Variants in THADA observed in about 807,000 individuals in gnomAD.
THADA encodes the protein tRNA (32-2'-O)-methyltransferase regulator THADA.
A neutral mutation model predicts 219.8 loss-of-function variants in THADA; 213 were observed. The ratio of observed to expected loss-of-function variants is 0.97; its 90% CI spans 0.87 to 1.09. The LOEUF (loss-of-function observed/expected upper bound fraction) is 1.09. Among genes scored for constraint, THADA ranks in the 50% least tolerant of loss-of-function variants. The pLI is 0.00. For synonymous variants in THADA, 1,018 were observed against 828.9 expected (o/e 1.23, Z -3.92); for missense variants, 2,956 against 2,311.3 (o/e 1.28, Z -5.72).
At chr2:43,280,972 A>G (rs1339619134) in intron 35 of THADA, among the ~76,000 whole-genome samples, 1 of 152,220 alleles carries the variant, frequency 6.6e-6, no homozygotes, top group African/African-American at 2.4e-5. Flanking sequence ...GTGAGAGGTG[A>G]GCATGGCCTC....
At chr2:43,561,689 A>T (rs1474811027) in intron 15 of THADA, among the ~76,000 whole-genome samples, 3 of 152,206 alleles carry the variant, frequency 2.0e-5, no homozygotes, top group Non-Finnish European at 4.4e-5. Context: ...TTACTTCCTT[A>T]ACAACTCTGC....
At position 43,295,301 on chromosome 2, in the gene THADA, C is replaced by G. The variant is rs147975654; in HGVS notation, c.4439-2088G>C. On this transcript the variant is annotated intron_variant, in intron 31 of 37. Coordinates refer to ENST00000405975, the MANE Select transcript of THADA (RefSeq NM_022065.5). ...AATAATTACTAAAAATGTGGGCAAGCTGGAGGGTGGAGGCCTTTGGTGAGC... is the reference window on the plus strand; with the variant it reads ...AATAATTACTAAAAATGTGGGCAAGGTGGAGGGTGGAGGCCTTTGGTGAGC... Among the ~76,000 whole-genome samples the G allele has an allele frequency of 8.2e-3, 1,254 of 152,350 alleles. 18 individuals carry two copies. The highest frequency in any genetic ancestry group is 0.028 in the African/African-American group (1,184 of 41,576).
intron 36 of THADA, chr2:43,277,156 G>A (rs184337805): frequency 2.1e-3 from 318 of 152,438 alleles, no homozygotes; most frequent in Non-Finnish European, 3.8e-3. Context: ...GTATGTCTCC[G>A]GTAACATCAG....
At chr2:43,459,265 T>C (rs1449768446) in intron 26 of THADA, among the ~76,000 whole-genome samples, 1 of 152,188 alleles carries the variant, frequency 6.6e-6, no homozygotes, top group African/African-American at 2.4e-5. Context: ...CCACTCCTCT[T>C]TCCCAAATAA....
chr2:43,531,332 A>G (rs1301288052), intron 21 of THADA, among the ~76,000 whole-genome samples: 1 of 152,204 alleles, frequency 6.6e-6, no homozygotes, highest in Non-Finnish European at 1.5e-5. Context: ...ATAGACCAAC[A>G]CTAAATAAGT....
intron 26 of THADA, among the ~76,000 whole-genome samples, chr2:43,442,993 A>G (rs1408295889): frequency 2.0e-5 from 3 of 152,162 alleles, no homozygotes; most frequent in African/African-American, 7.2e-5. Context: ...ATTCCCTGAT[A>G]TCTCAAGTCT....
At chr2:43,498,125 A>G (rs902644275) in intron 25 of THADA, among the ~76,000 whole-genome samples, 1 of 152,202 alleles carries the variant, frequency 6.6e-6, no homozygotes, top group African/African-American at 2.4e-5. Flanking sequence ...GAAAGAAGCC[A>G]ATAACATAAG....
chr2:43,348,358 C>T (rs1667878475), intron 29 of THADA, among the ~76,000 whole-genome samples: 1 of 152,142 alleles, frequency 6.6e-6, no homozygotes, highest in African/African-American at 2.4e-5. Context: ...AGGGTCAATG[C>T]CATTTATCAA....
intron 25 of THADA, among the ~76,000 whole-genome samples, chr2:43,486,825 C>T (rs938444938): frequency 6.6e-6 from 1 of 152,082 alleles, no homozygotes; most frequent in African/African-American, 2.4e-5. Flanking sequence ...TTTTGAAATG[C>T]TGGCAGGAAA....
rs41281453 is a variant in THADA, at chr2:43,286,891, C to T, written c.5164+17G>A. 4,608 of 1,601,530 alleles carry T rather than the reference C, an allele frequency of 2.9e-3. 7 individuals are homozygous for T. Among genetic ancestry groups the T allele is most frequent in the Non-Finnish European group, 3.1e-3 (3,615 of 1,169,938 alleles). On this transcript the variant is annotated intron_variant, in intron 35 of 37. Coordinates refer to ENST00000405975, the MANE Select transcript of THADA (RefSeq NM_022065.5). ...AAGTGAGTTTGGTACAACAGACTTC[C>T]GTCTCGGCGCACTTACCAAGAATAG...
At chr2:43,483,546 C>T (rs1399877331) in intron 26 of THADA, among the ~76,000 whole-genome samples, 1 of 152,176 alleles carries the variant, frequency 6.6e-6, no homozygotes, top group East Asian at 1.9e-4. Flanking sequence ...TTAAAAACTT[C>T]TCATTCCTAT....
At chr2:43,493,081 G>C (rs1411047863) in intron 25 of THADA, among the ~76,000 whole-genome samples, 1 of 152,148 alleles carries the variant, frequency 6.6e-6, no homozygotes, top group Non-Finnish European at 1.5e-5. Context: ...GAGGCACAGA[G>C]TAGCCATGGC....
In THADA at chr2:43,527,871, T is replaced by A. The variant is rs201821491; in HGVS notation, c.3374+8A>T. 134 of 1,573,360 alleles carry A rather than the reference T, an allele frequency of 8.5e-5. No individual in the cohort carries two copies. The highest frequency in any genetic ancestry group is 3.5e-5 in the Non-Finnish European group (40 of 1,146,398). ...TTTAAAACGTACACAAAAGGATATT[T>A]GTTTTACCTGTTTAGTACTTCAGTG... On this transcript the variant is annotated splice_region_variant and intron_variant, in intron 22 of 37. Coordinates refer to ENST00000405975, the MANE Select transcript of THADA (RefSeq NM_022065.5).
chr2:43,546,277 G>C (rs1696021539), intron 20 of THADA, among the ~76,000 whole-genome samples: 1 of 151,960 alleles, frequency 6.6e-6, no homozygotes. Flanking sequence ...GCTGAGGAGA[G>C]CTTTACTTCC....
chr2:43,570,655 A>T, intron 13 of THADA, 145 bp from the exon 14 acceptor site: 1 of 883,050 alleles, frequency 1.1e-6, no homozygotes, highest in South Asian at 2.4e-5. Flanking sequence ...TTTCTTTTTG[A>T]CAGAAAATAA....
rs1393850650 is a variant in THADA at position 43,508,764 on chromosome 2, G to A, written c.3391C>T (p.Leu1131=). The A allele has an allele frequency of 1.1e-5, 17 of 1,613,396 alleles. No homozygotes were observed. Among genetic ancestry groups the A allele is most frequent in the Non-Finnish European group, 1.4e-5 (16 of 1,179,636 alleles). ...EVLNRCPNVS[L]QKLPEQWLWS... ...AGCCACTGTTCTGGCAGCTTTTGCA[G>A]ACTCACATTTGGGCACCTAAAAGGC... The change falls in exon 23 of 38, where the codon CTG becomes TTG. Residue 1131 remains leucine (L), a synonymous_variant. Coordinates refer to ENST00000405975, the MANE Select transcript of THADA (RefSeq NM_022065.5).
At chr2:43,459,261 C>G (rs1209995424) in intron 26 of THADA, among the ~76,000 whole-genome samples, 1 of 152,188 alleles carries the variant, frequency 6.6e-6, no homozygotes, top group East Asian at 1.9e-4. Flanking sequence ...ACCTCCACTC[C>G]TCTTTCCCAA....
chr2:43,412,802 G>C (rs1676458122), intron 28 of THADA, among the ~76,000 whole-genome samples: 1 of 152,110 alleles, frequency 6.6e-6, no homozygotes, highest in Non-Finnish European at 1.5e-5. Context: ...GAGAAGGTCA[G>C]GGCTTGTTTT....
rs550238358 is a variant in THADA, at chr2:43,381,438, T to C, written c.4227+16533A>G. 1.6e-4 allele frequency among the ~76,000 whole-genome samples: 24 copies of C among 152,220 alleles called. No individual in the cohort carries two copies. The South Asian group carries it at 3.3e-3, about 21-fold the overall frequency. ...GCTCAACTTCCTTCTCCCAAGCCCC[T>C]GAGTGTGGGCTACACTTAGTGATTT... On this transcript the variant is annotated intron_variant, in intron 29 of 37. Coordinates refer to ENST00000405975, the MANE Select transcript of THADA (RefSeq NM_022065.5).
Sources: gnomAD v4.1 joint callset for allele counts (sites outside exome capture counted in the v4.1 genomes callset) on GRCh38, gnomAD v4.1.1 for gene constraint, MANE v1.5 for transcripts, NCBI Gene and HGNC (gene_info 2026-07-23, HGNC 2026-07-21) for gene names.